UBA52: variants seen among roughly 807,000 people sequenced by gnomAD.
The protein encoded by UBA52 is ubiquitin-ribosomal protein eL40 fusion protein.
Under a neutral mutation model 15.3 loss-of-function variants are expected in UBA52, and 1 was observed. The observed-to-expected ratio is 0.07, with a 90% CI of 0.02 to 0.31. The LOEUF (loss-of-function observed/expected upper bound fraction) is 0.31, where lower values mean the gene tolerates loss of function less well. Among genes scored for constraint, UBA52 ranks in the 10% least tolerant of loss-of-function variants. UBA52 has a pLI of 1.00. For synonymous variants in UBA52, 50 were observed against 58.3 expected, an observed-to-expected ratio of 0.86 and a Z score of 0.65; for missense variants, 87 against 168.0, an observed-to-expected ratio of 0.52 and a Z score of 2.66.
Position 18,575,255 on chromosome 19 carries a change from G to T in UBA52, c.*105G>T, listed in dbSNP as rs775390900. On this transcript the variant is annotated 3_prime_UTR_variant, in exon 5 of 5. Transcript: ENST00000442744. ...CTGGAGCAGCAATTGGTGTCCTCAT[G>T]GCTGATCTGTCCAGGGAGGTGGCTG... 7.3e-7 allele frequency: 1 copy of T among 1,378,802 alleles called. No individual in the cohort carries two copies. Among genetic ancestry groups the T allele is most frequent in the Admixed American group, 1.9e-5 (1 of 52,424 alleles). The allele number at this position is 1,378,802 out of a possible 1,614,324, so 85.4% of individuals were successfully genotyped here.
intron 1 of UBA52, chr19:18,572,672 C>G: frequency 2.2e-6 from 1 of 450,914 alleles, no homozygotes; most frequent in Non-Finnish European, 2.9e-6. Flanking sequence ...GTGAACAATG[C>G]TTGGCAGGTG....
rs997471577 is a variant in UBA52 at position 18,576,809 on chromosome 19, G to GCGC, written c.*1661_*1663dup. The stretch of plus-strand genomic sequence containing the variant: ...CTTGAGTAGCTGGAATTACCAGTGT[G>GCGC]CGCCACCACCACCACGCCTGGCTAG... On this transcript the variant is annotated 3_prime_UTR_variant, in exon 5 of 5. Transcript: ENST00000442744. The GCGC allele has an allele frequency of 2.0e-5, 3 of 151,554 alleles. No homozygotes were observed. The highest frequency in any genetic ancestry group is 7.3e-5 in the African/African-American group (3 of 41,312). The allele number at this position is 151,554 out of a possible 1,614,324, so 9.4% of individuals were successfully genotyped here. A position where few individuals can be genotyped will look rare whatever the true frequency, so the allele number is the denominator to read the frequency against.
upstream of UBA52, among the ~76,000 whole-genome samples, chr19:18,570,573 G>A (rs1028288470): frequency 9.0e-5 from 13 of 144,662 alleles, no homozygotes; most frequent in African/African-American, 2.6e-4. Flanking sequence ...GTGCAGTGGC[G>A]TGAACTCAGC....
At chr19:18,572,247 G>C (rs1320820425) in intron 1 of UBA52, 1 of 152,274 alleles carries the variant, frequency 6.6e-6, no homozygotes, top group East Asian at 1.9e-4. Context: ...TAAATTTCTC[G>C]AGCTGAGTCT....
upstream of UBA52, chr19:18,568,927 G>A (rs947197893): frequency 2.9e-5 from 13 of 445,214 alleles, no homozygotes; most frequent in African/African-American, 2.6e-4. Flanking sequence ...CCAGAGCTGA[G>A]CCTGACGTCT....
upstream of UBA52, chr19:18,568,342 G>A (rs1975363558): frequency 1.6e-6 from 2 of 1,276,508 alleles, no homozygotes; most frequent in Admixed American, 1.7e-5. Flanking sequence ...TGGACAATAA[G>A]TCCTACATCA....
At chr19:18,573,199 G>A (rs1234276345) in intron 1 of UBA52, 94 bp from the exon 2 acceptor site, 3 of 1,286,332 alleles carry the variant, frequency 2.3e-6, no homozygotes, top group Non-Finnish European at 3.3e-6. Context: ...CTTGGTGCAG[G>A]CAAAGGGATA....
In UBA52 at chr19:18,571,869, C is replaced by G. The variant is rs1452938644; in HGVS notation, c.-49C>G. The G allele has an allele frequency of 6.5e-6, 1 of 152,958 alleles. No homozygotes were observed. Among genetic ancestry groups the G allele is most frequent in the Non-Finnish European group, 1.5e-5 (1 of 68,596 alleles). The allele number at this position is 152,958 out of a possible 1,614,324, so 9.5% of individuals were successfully genotyped here. ...CCGGTTCCGCTATCTTCTTTTTCTT[C>G]AGCGAGGCGGCCGAGCTGGTTGGTG... is the stretch of plus-strand genomic sequence containing the variant. On this transcript the variant is annotated 5_prime_UTR_variant, in exon 1 of 5. Coordinates refer to ENST00000442744, the MANE Select transcript of UBA52 (RefSeq NM_001033930.3).
upstream of UBA52, among the ~76,000 whole-genome samples, chr19:18,568,127 C>T (rs1269490121): frequency 6.6e-6 from 1 of 151,974 alleles, no homozygotes; most frequent in Non-Finnish European, 1.5e-5. Context: ...ATTAGATGGG[C>T]GTGATGATGG....
Position 18,573,536 on chromosome 19 carries a change from A to G in UBA52, c.104-126A>G, listed in dbSNP as rs1281378895. 6.1e-6 allele frequency: 8 copies of G among 1,305,644 alleles called. No homozygotes were observed. In the East Asian group the frequency reaches 1.9e-4, roughly 31 times the overall value. 80.9% of individuals were successfully genotyped at this position (1,305,644 alleles called of 1,614,324 possible). ...CTTGCTTCTCCATGTGATCTGAAGA[A>G]CGTTTGTTATCTTCTACCTCAGTTG... On this transcript the variant is annotated intron_variant, in intron 2 of 4. Transcript: ENST00000442744.
At chr19:18,566,701 G>A in the UBA52 span, among the ~76,000 whole-genome samples, 1 of 151,530 alleles carries the variant, frequency 6.6e-6, no homozygotes, top group African/African-American at 2.4e-5. Context: ...GCTGAGGGAG[G>A]ACAATCATGT....
At chr19:18,564,660 A>G in the UBA52 span, among the ~76,000 whole-genome samples, 3 of 152,196 alleles carry the variant, frequency 2.0e-5, no homozygotes, top group African/African-American at 2.4e-5. Context: ...ACAAGGCTAC[A>G]TGAGAAGGAC....
At chr19:18,564,729 G>C in the UBA52 span, 10 of 921,806 alleles carry the variant, frequency 1.1e-5, no homozygotes, top group East Asian at 2.4e-4. Context: ...CAAAGAGTAG[G>C]TAGAACTCTG....
chr19:18,568,532 C>T (rs372521518), upstream of UBA52: 264 of 1,613,992 alleles, frequency 1.6e-4, no homozygotes, highest in Non-Finnish European at 2.1e-4. Context: ...TCTCGCCCTC[C>T]CTGAGCCCCG....
chr19:18,565,228 GAGT>G, the UBA52 span: 1 of 1,194,416 alleles, frequency 8.4e-7, no homozygotes, highest in South Asian at 2.1e-5. Flanking sequence ...GATCGAGACA[GAGT>G]TTTTTTTTTT....
Position 18,577,217 on chromosome 19 carries a change from C to G in UBA52, c.*2067C>G, listed in dbSNP as rs12150991. The G allele has an allele frequency of 3.3e-5, 5 of 151,620 alleles. No individual in the cohort carries two copies. The highest frequency in any genetic ancestry group is 4.2e-4 in the South Asian group (2 of 4,804). 9.4% of individuals were successfully genotyped at this position (151,620 alleles called of 1,614,324 possible). Reference sequence around the variant, plus strand: ...CTTCCTGGGCCAGTTTGGGGACTTTCACAAAAGACCCCCATGACTCAGGGT... The same window carrying G: ...CTTCCTGGGCCAGTTTGGGGACTTTGACAAAAGACCCCCATGACTCAGGGT... On this transcript the variant is annotated 3_prime_UTR_variant, in exon 5 of 5. Transcript: ENST00000442744.
intron 3 of UBA52, among the ~76,000 whole-genome samples, chr19:18,574,025 C>G (rs1157050208): frequency 6.6e-6 from 1 of 151,968 alleles, no homozygotes; most frequent in Non-Finnish European, 1.5e-5. Context: ...GTGGCTCAGG[C>G]CTGTAATCCC....
At chr19:18,566,727 A>G in the UBA52 span, among the ~76,000 whole-genome samples, 1 of 151,214 alleles carries the variant, frequency 6.6e-6, no homozygotes, top group Non-Finnish European at 1.5e-5. Flanking sequence ...CGGAAGGTGG[A>G]GGTTGCAGTG....
At chr19:18,573,128 C>T in intron 1 of UBA52, 165 bp from the exon 2 acceptor site, 3 of 1,130,698 alleles carry the variant, frequency 2.7e-6, no homozygotes, top group Non-Finnish European at 3.7e-6. Flanking sequence ...TGTGAGAAGC[C>T]TAGCAGGGCC....
Sources: allele counts gnomAD v4.1 joint callset (sites outside exome capture counted in the v4.1 genomes callset), GRCh38; gene constraint gnomAD v4.1.1; transcripts MANE v1.5; gene names NCBI Gene and HGNC (gene_info 2026-07-23, HGNC 2026-07-21).